The following PTPRD variants were observed in gnomAD, a reference collection of about 807,000 sequenced individuals.
PTPRD encodes the protein protein tyrosine phosphatase receptor type D, also known as receptor-type tyrosine-protein phosphatase delta.
Under a neutral mutation model 214.5 loss-of-function variants are expected in PTPRD, and 34 were observed. The observed-to-expected ratio is 0.16, with a 90% CI of 0.12 to 0.21. PTPRD has a LOEUF of 0.21. Ranked by LOEUF, PTPRD falls within the 10% of genes least tolerant of loss-of-function variation. PTPRD has a pLI of 1.00. For synonymous variants in PTPRD, 1,128 were observed against 845.7 expected, an observed-to-expected ratio of 1.33 and a Z score of -5.79; for missense variants, 2,545 against 2,398.7, an observed-to-expected ratio of 1.06 and a Z score of -1.27.
At chr9:9,489,814 A>G (rs2095822438) in intron 8 of PTPRD, among the ~76,000 whole-genome samples, 1 of 143,800 alleles carries the variant, frequency 7.0e-6, no homozygotes, top group African/African-American at 2.6e-5. Context: ...TAAAAGAAGA[A>G]GGAAGAAAAA....
intron 10 of PTPRD, among the ~76,000 whole-genome samples, chr9:9,130,525 A>C (rs749407360): frequency 1.2e-4 from 19 of 152,196 alleles, no homozygotes; most frequent in Non-Finnish European, 2.4e-4. Context: ...AAATTCCAGA[A>C]AACAATCAAT....
intron 4 of PTPRD, among the ~76,000 whole-genome samples, chr9:9,983,382 T>C (rs1260393865): frequency 3.3e-5 from 5 of 152,156 alleles, no homozygotes; most frequent in Non-Finnish European, 5.9e-5. Flanking sequence ...AAATACACTA[T>C]AGTAAAATGT....
chr9:10,370,120 G>C (rs1419779713), intron 2 of PTPRD, among the ~76,000 whole-genome samples: 1 of 152,024 alleles, frequency 6.6e-6, no homozygotes, highest in Admixed American at 6.6e-5. Flanking sequence ...TGAAACAAGA[G>C]ACTTGAACCA....
At chr9:8,739,969 A>C (rs963686208) in intron 11 of PTPRD, among the ~76,000 whole-genome samples, 13 of 152,170 alleles carry the variant, frequency 8.5e-5, no homozygotes, top group African/African-American at 2.4e-4. Context: ...AGCCATGTGG[A>C]ACTGTAAGTC....
intron 2 of PTPRD, among the ~76,000 whole-genome samples, chr9:10,502,400 T>A (rs2044074607): frequency 6.6e-6 from 1 of 151,962 alleles, no homozygotes. Context: ...AAGAATCACA[T>A]AAATATGTTA....
At chr9:9,757,183 A>G (rs1474079312) in intron 6 of PTPRD, among the ~76,000 whole-genome samples, 1 of 152,170 alleles carries the variant, frequency 6.6e-6, no homozygotes, top group Non-Finnish European at 1.5e-5. Flanking sequence ...TAATATAAAG[A>G]GTAAAAGTGC....
chr9:9,555,046 A>C (rs980153289), intron 8 of PTPRD, among the ~76,000 whole-genome samples: 1 of 152,080 alleles, frequency 6.6e-6, no homozygotes, highest in Admixed American at 6.6e-5. Flanking sequence ...TAGAAAATTT[A>C]GACTCAGTTC....
At chr9:10,166,686 C>T (rs1201981787) in intron 3 of PTPRD, among the ~76,000 whole-genome samples, 2 of 151,974 alleles carry the variant, frequency 1.3e-5, no homozygotes, top group African/African-American at 2.4e-5. Flanking sequence ...AATTGTTCTT[C>T]TTCCCTAGCA....
At chr9:9,288,284 T>C (rs941552343) in intron 9 of PTPRD, among the ~76,000 whole-genome samples, 2 of 151,930 alleles carry the variant, frequency 1.3e-5, no homozygotes, top group African/African-American at 2.4e-5. Flanking sequence ...TATGCTATTT[T>C]ATCCATATTA....
At chr9:10,387,761 C>G (rs918752751) in intron 2 of PTPRD, among the ~76,000 whole-genome samples, 3 of 146,710 alleles carry the variant, frequency 2.0e-5, no homozygotes, top group African/African-American at 7.6e-5. Context: ...TCATTTACAG[C>G]TGAGCTAGTC....
intron 9 of PTPRD, among the ~76,000 whole-genome samples, chr9:9,371,870 AC>A (rs1281413850): frequency 2.0e-5 from 3 of 152,058 alleles, no homozygotes; most frequent in African/African-American, 7.2e-5. Flanking sequence ...TTCGTTATGT[AC>A]CCAGTAGTCT....
intron 5 of PTPRD, among the ~76,000 whole-genome samples, chr9:9,792,119 T>C (rs1565299375): frequency 3.0e-5 from 1 of 33,358 alleles, no homozygotes; most frequent in African/African-American, 4.6e-4. Context: ...TTTCTGACAC[T>C]TTTTAAAAAA....
intron 6 of PTPRD, among the ~76,000 whole-genome samples, chr9:9,744,806 T>C (rs923279546): frequency 2.6e-5 from 4 of 152,092 alleles, no homozygotes; most frequent in African/African-American, 9.7e-5. Flanking sequence ...ATCCACATCA[T>C]AATCTAATTC....
At chr9:9,455,775 A>G (rs2092904143) in intron 8 of PTPRD, among the ~76,000 whole-genome samples, 1 of 151,814 alleles carries the variant, frequency 6.6e-6, no homozygotes, top group African/African-American at 2.4e-5. Flanking sequence ...TATACTAAAT[A>G]TTATAAAAAC....
chr9:9,625,766 T>C (rs953913615), intron 7 of PTPRD, among the ~76,000 whole-genome samples: 2 of 152,126 alleles, frequency 1.3e-5, no homozygotes, highest in African/African-American at 4.8e-5. Flanking sequence ...TAGGGACATT[T>C]TATCCGAACG....
At chr9:9,567,245 T>C (rs912205048) in intron 8 of PTPRD, among the ~76,000 whole-genome samples, 1 of 151,516 alleles carries the variant, frequency 6.6e-6, no homozygotes, top group African/African-American at 2.4e-5. Flanking sequence ...GCAGAGATGA[T>C]TGATTGTGGG....
intron 3 of PTPRD, among the ~76,000 whole-genome samples, chr9:10,076,428 C>T (rs1188285419): frequency 1.3e-5 from 2 of 152,190 alleles, no homozygotes; most frequent in East Asian, 3.9e-4. Flanking sequence ...TGTTACTAGG[C>T]ATCATTGCTT....
intron 10 of PTPRD, among the ~76,000 whole-genome samples, chr9:9,131,994 G>C (rs971888577): frequency 1.3e-5 from 2 of 151,810 alleles, no homozygotes; most frequent in Admixed American, 1.3e-4. Context: ...AGGGCCACTA[G>C]TTTTTTGTTT....
chr9:8,738,524 C>A (rs1483312575), intron 11 of PTPRD, among the ~76,000 whole-genome samples: 2 of 151,052 alleles, frequency 1.3e-5, no homozygotes, highest in East Asian at 3.9e-4. Context: ...ATACCAGAAG[C>A]AAGGAAGTTG....
Sources: gnomAD v4.1 joint callset for allele counts (sites outside exome capture counted in the v4.1 genomes callset) on GRCh38, gnomAD v4.1.1 for gene constraint, MANE v1.5 for transcripts, NCBI Gene and HGNC (gene_info 2026-07-23, HGNC 2026-07-21) for gene names.